The following CNGB1 variants were observed in gnomAD, a reference collection of about 807,000 sequenced individuals.
The protein encoded by CNGB1 is cyclic nucleotide gated channel subunit beta 1, also known as cyclic nucleotide-gated channel beta-1.
Under a neutral mutation model 151.7 loss-of-function variants are expected in CNGB1, and 126 were observed. The ratio of observed to expected loss-of-function variants is 0.83; its 90% CI spans 0.72 to 0.96. The LOEUF is 0.96. CNGB1 is among the 40% of genes least tolerant of loss of function. The pLI is 0.00. For missense variants in CNGB1, 1,698 were observed against 1,627.0 expected, an observed-to-expected ratio of 1.04 and a Z score of -0.75; for synonymous variants, 623 against 635.1, an observed-to-expected ratio of 0.98 and a Z score of 0.29.
Position 57,962,566 on chromosome 16 carries a change from T to A in CNGB1, c.457A>T (p.Arg153Trp), listed in dbSNP as rs768035621. The change falls in exon 7 of 33, where the codon AGG becomes TGG. Residue 153 changes from arginine to tryptophan, a missense_variant and splice_region_variant. Transcript: ENST00000251102. ...TGACACTCAGGGATAGGGACTCACC[T>A]AGTGTCTTGGGCCTCAAGGGCCTCA... ...PNEALEAQDT[R>W]PGLRLLLWLE... 6.2e-7 allele frequency: 1 copy of A among 1,613,364 alleles called. No individual in the cohort carries two copies. Among genetic ancestry groups the A allele is most frequent in the Admixed American group, 1.7e-5 (1 of 60,028 alleles).
chr16:57,936,945 T>C (rs1250405039), intron 16 of CNGB1: 1 of 152,260 alleles, frequency 6.6e-6, no homozygotes, highest in Non-Finnish European at 1.5e-5. Context: ...GATGAAGGTA[T>C]TGATCGGCAG....
intron 17 of CNGB1, 94 bp from the exon 18 acceptor site, chr16:57,923,474 C>G (rs1961104735): frequency 5.9e-6 from 6 of 1,014,098 alleles, no homozygotes; most frequent in Non-Finnish European, 6.0e-6. Flanking sequence ...CATCTAGAGC[C>G]AATTCCTAGA....
intron 13 of CNGB1, among the ~76,000 whole-genome samples, 191 bp from the exon 14 acceptor site, chr16:57,949,630 C>A (rs2149381434): frequency 6.6e-6 from 1 of 152,330 alleles, no homozygotes; most frequent in East Asian, 1.9e-4. Flanking sequence ...CTCTCCTCTG[C>A]ATGAGGGGAC....
intron 16 of CNGB1, among the ~76,000 whole-genome samples, chr16:57,935,981 G>A (rs1301340692): frequency 1.3e-5 from 2 of 152,096 alleles, no homozygotes; most frequent in African/African-American, 4.8e-5. Flanking sequence ...CTGCCTGGTT[G>A]GACTGATCTC....
chr16:57,960,429 G>C (rs937629518), intron 9 of CNGB1, 53 bp downstream of exon 9: 49 of 1,595,872 alleles, frequency 3.1e-5, no homozygotes, highest in Non-Finnish European at 3.9e-5. Flanking sequence ...TGATCCCTGA[G>C]CCCAGCCCGT....
intron 17 of CNGB1, among the ~76,000 whole-genome samples, chr16:57,928,666 C>A (rs763100526): frequency 3.0e-4 from 46 of 152,178 alleles, no homozygotes; most frequent in Middle Eastern, 3.4e-3. Context: ...CAGACAGAGT[C>A]TCACTCTGTC....
intron 17 of CNGB1, among the ~76,000 whole-genome samples, chr16:57,928,848 A>G (rs1961262781): frequency 6.6e-6 from 1 of 152,160 alleles, no homozygotes; most frequent in Non-Finnish European, 1.5e-5. Flanking sequence ...CATGTTGGCC[A>G]GGCTGGTCTC....
intron 13 of CNGB1, 146 bp downstream of exon 13, chr16:57,950,235 C>T: frequency 1.1e-6 from 1 of 940,186 alleles, no homozygotes; most frequent in Non-Finnish European, 1.7e-6. Flanking sequence ...GCCATTCTAC[C>T]CATGGGAGAA....
At chr16:57,928,789 C>A (rs1307761297) in intron 17 of CNGB1, among the ~76,000 whole-genome samples, 2 of 152,146 alleles carry the variant, frequency 1.3e-5, no homozygotes, top group African/African-American at 4.8e-5. Context: ...AGGCATGTGC[C>A]ACCATGCCCA....
intron 31 of CNGB1, 94 bp downstream of exon 31, chr16:57,897,301 CAA>C (rs397944283): frequency 0.024 from 24,166 of 1,020,510 alleles, no homozygotes; most frequent in Non-Finnish European, 0.026. Flanking sequence ...GATGTCATCT[CAA>C]AAAAAAAAAA....
intron 15 of CNGB1, 107 bp from the exon 16 acceptor site, chr16:57,939,699 G>C: frequency 6.8e-7 from 1 of 1,479,118 alleles, no homozygotes; most frequent in East Asian, 2.3e-5. Context: ...GCCCAGTTCT[G>C]CTTCTTGCCC....
chr16:57,921,695 C>G (rs1961040563), intron 18 of CNGB1, among the ~76,000 whole-genome samples: 1 of 152,204 alleles, frequency 6.6e-6, no homozygotes, highest in South Asian at 2.1e-4. Context: ...ATACATGCAA[C>G]TAGGGGCCTC....
chr16:57,916,897 G>A (rs1225809000), intron 21 of CNGB1, among the ~76,000 whole-genome samples: 1 of 152,172 alleles, frequency 6.6e-6, no homozygotes, highest in Admixed American at 6.5e-5. Context: ...ACACTGGGAG[G>A]TGGAAGCTAT....
In CNGB1 at chr16:57,919,238, G is replaced by A. The variant is rs371170952; in HGVS notation, c.1818C>T (p.Ala606=). The A allele has an allele frequency of 1.9e-6, 3 of 1,614,176 alleles. No individual in the cohort carries two copies. The highest frequency in any genetic ancestry group is 2.5e-6 in the Non-Finnish European group (3 of 1,180,034). The change falls in exon 20 of 33, where the codon GCC becomes GCT. Residue 606 remains alanine (A), a synonymous_variant. Coordinates refer to ENST00000251102, the MANE Select transcript of CNGB1 (RefSeq NM_001297.5). ...GCTTTGTGTCTGGAGCTGGCTCTGG[G>A]GCTTTCTTGGCTGGGGCTGTGGGAT... ...ESPKPSPAKK[A]PEPAPDTKPA...
intron 19 of CNGB1, 21 bp downstream of exon 19, chr16:57,920,366 C>T (rs1960996221): frequency 1.2e-6 from 2 of 1,613,734 alleles, no homozygotes; most frequent in African/African-American, 2.7e-5. Context: ...CCAGGTAGAC[C>T]CCCTCCAGCT....
rs573302760 is a variant in CNGB1, at chr16:57,932,931, G to T, written c.1373-1053C>A. On this transcript the variant is annotated intron_variant, in intron 16 of 32. Transcript: ENST00000251102. ...TATTTTATTTGTTTGCTTTTGAGAA[G>T]GGGGGGCGGGTCTCACTCTGTCACC... 8.2e-5 allele frequency among the ~76,000 whole-genome samples: 12 copies of T among 146,476 alleles called. No individual in the cohort carries two copies. The South Asian group carries it at 2.6e-3, about 32-fold the overall frequency.
At chr16:57,949,689 C>T (rs1485733583) in intron 13 of CNGB1, among the ~76,000 whole-genome samples, 1 of 152,204 alleles carries the variant, frequency 6.6e-6, no homozygotes, top group Non-Finnish European at 1.5e-5. Flanking sequence ...CTCTGATCCT[C>T]TCTGGGCCTC....
intron 31 of CNGB1, among the ~76,000 whole-genome samples, chr16:57,889,195 G>T (rs1399454044): frequency 6.6e-6 from 1 of 152,112 alleles, no homozygotes; most frequent in Non-Finnish European, 1.5e-5. Flanking sequence ...TAGAGACGGG[G>T]TCTCCCTATG....
intron 4 of CNGB1, 34 bp downstream of exon 4, chr16:57,964,096 C>T: frequency 6.2e-7 from 1 of 1,608,212 alleles, no homozygotes; most frequent in South Asian, 1.1e-5. Context: ...GGGAGGCGGG[C>T]TGGCCCTGAA....
Sources: gnomAD v4.1 joint callset for allele counts (sites outside exome capture counted in the v4.1 genomes callset) on GRCh38, gnomAD v4.1.1 for gene constraint, MANE v1.5 for transcripts, NCBI Gene and HGNC (gene_info 2026-07-23, HGNC 2026-07-21) for gene names.